The following MEP1A variants were observed in gnomAD, a reference collection of about 807,000 sequenced individuals.
MEP1A encodes the protein N-benzoyl-L-tyrosyl-P-amino-benzoic acid hydrolase subunit alpha.
In MEP1A, 68 loss-of-function variants were observed where a neutral mutation model predicts 84.5. The observed-to-expected ratio is 0.80, with a 90% CI of 0.66 to 0.98. MEP1A has a LOEUF of 0.98. Among genes scored for constraint, MEP1A ranks in the 50% least tolerant of loss-of-function variants. MEP1A has a pLI of 0.00. For synonymous variants in MEP1A, 337 were observed against 336.8 expected (o/e 1.00, Z -0.01); for missense variants, 887 against 919.9 (o/e 0.96, Z 0.46).
chr6:46,828,276 T>G (rs893341770), intron 9 of MEP1A, among the ~76,000 whole-genome samples: 3 of 151,402 alleles, frequency 2.0e-5, no homozygotes, highest in Admixed American at 2.0e-4. Context: ...AATATATAAT[T>G]ATAATTCAGA....
chr6:46,795,020 C>T (rs75393728), intron 3 of MEP1A, among the ~76,000 whole-genome samples: 1,776 of 152,270 alleles, frequency 0.012, 19 homozygotes, highest in Middle Eastern at 0.027. Flanking sequence ...AGCCATATGG[C>T]CAGATTCTAA....
At position 46,830,998 on chromosome 6, in the gene MEP1A, T is replaced by C. The variant is rs149748805; in HGVS notation, c.1144+1427T>C. ...TTTCATCTAAAGCTAAAAGCGTTAC[T>C]TCTAAGCATAAAATCAATCAAGCAA... On this transcript the variant is annotated intron_variant, in intron 10 of 13. Coordinates refer to ENST00000230588, the MANE Select transcript of MEP1A (RefSeq NM_005588.3). Among the ~76,000 whole-genome samples the C allele has an allele frequency of 8.2e-3, 1,254 of 152,322 alleles. 65 individuals carry two copies. Among genetic ancestry groups the C allele is most frequent in the Admixed American group, 0.078 (1,192 of 15,294 alleles).
chr6:46,832,316 G>A (rs1002221598), intron 10 of MEP1A, among the ~76,000 whole-genome samples: 13 of 152,174 alleles, frequency 8.5e-5, no homozygotes, highest in African/African-American at 3.1e-4. Flanking sequence ...GTACCCCCAA[G>A]CTCCTGTCTG....
intron 9 of MEP1A, among the ~76,000 whole-genome samples, chr6:46,827,201 C>T (rs1233317559): frequency 6.6e-6 from 1 of 152,176 alleles, no homozygotes. Flanking sequence ...TATAGCTTCA[C>T]CACTTACTAA....
chr6:46,798,548 A>G, intron 3 of MEP1A, 58 bp from the exon 4 acceptor site: 1 of 1,288,566 alleles, frequency 7.8e-7, no homozygotes, highest in Non-Finnish European at 1.1e-6. Context: ...ATTACGAAAG[A>G]TGCCTTTTAA....
In MEP1A at chr6:46,833,182, G is replaced by A. The variant is rs761106440; in HGVS notation, c.1253G>A (p.Gly418Glu). 6.2e-7 allele frequency: 1 copy of A among 1,608,506 alleles called. No homozygotes were observed. Among genetic ancestry groups the A allele is most frequent in the Non-Finnish European group, 8.5e-7 (1 of 1,177,536 alleles). ...GGCGACCCTCAGAACTCAACTGGGG[G>A]AATTTACCTAGATGACATCACTCTG... ...TKGDPQNSTGGIYLDDITLTE... is the reference protein window; with the variant it reads ...TKGDPQNSTGEIYLDDITLTE... Residue 418 changes from glycine (G) to glutamate (E), a missense_variant, in exon 11 of 14, where the codon GGA becomes GAA. Gly to Glu is a moderately conservative substitution (Grantham distance 98, BLOSUM62 -2). Transcript: ENST00000230588.
chr6:46,805,896 A>G (rs1478602385), intron 5 of MEP1A, among the ~76,000 whole-genome samples: 1 of 152,002 alleles, frequency 6.6e-6, no homozygotes, highest in East Asian at 1.9e-4. Context: ...CTAACTGCAC[A>G]TATCTTAGAC....
At chr6:46,796,555 G>C (rs1029806648) in intron 3 of MEP1A, among the ~76,000 whole-genome samples, 1 of 152,128 alleles carries the variant, frequency 6.6e-6, no homozygotes, top group Non-Finnish European at 1.5e-5. Context: ...CCAATCAAGA[G>C]AGTCATCTCC....
At chr6:46,838,056 T>TA (rs1459229948) in intron 13 of MEP1A, among the ~76,000 whole-genome samples, 2 of 146,440 alleles carry the variant, frequency 1.4e-5, no homozygotes, top group Admixed American at 6.6e-5. Context: ...CATGTCTGGC[T>TA]ATTTTTTTTT....
downstream of MEP1A, among the ~76,000 whole-genome samples, chr6:46,843,862 A>C (rs1468242296): frequency 6.6e-6 from 1 of 152,194 alleles, no homozygotes. Flanking sequence ...AATTCTGGAG[A>C]GGCTAAGTGC....
intron 9 of MEP1A, among the ~76,000 whole-genome samples, chr6:46,827,970 G>A (rs1205370038): frequency 6.6e-6 from 1 of 152,212 alleles, no homozygotes; most frequent in Non-Finnish European, 1.5e-5. Context: ...TTTCACAAGA[G>A]GTATTTAATG....
intron 5 of MEP1A, among the ~76,000 whole-genome samples, chr6:46,804,887 T>C (rs1019911582): frequency 6.6e-6 from 1 of 151,160 alleles, no homozygotes; most frequent in Admixed American, 6.6e-5. Context: ...TTTTTCTTCA[T>C]AGGTGAATTT....
intron 3 of MEP1A, among the ~76,000 whole-genome samples, chr6:46,796,333 A>T (rs1180016674): frequency 6.6e-6 from 1 of 150,630 alleles, no homozygotes; most frequent in African/African-American, 2.4e-5. Flanking sequence ...TACCTCCCCT[A>T]CTCTTCCTTC....
intron 6 of MEP1A, among the ~76,000 whole-genome samples, chr6:46,817,444 C>A (rs981929891): frequency 6.6e-6 from 1 of 152,160 alleles, no homozygotes; most frequent in Non-Finnish European, 1.5e-5. Flanking sequence ...AAGTATATCT[C>A]AGGCCTTGCA....
chr6:46,793,615 CT>C (rs1241029493), intron 2 of MEP1A, 39 bp downstream of exon 2: 14 of 1,575,476 alleles, frequency 8.9e-6, no homozygotes, highest in Non-Finnish European at 1.2e-5. Context: ...TGTTTTTGAA[CT>C]TTTTTCCTTC....
chr6:46,838,057 A>AT lies in MEP1A; in HGVS notation c.2085-907dup, dbSNP rs570182939. On this transcript the variant is annotated intron_variant, in intron 13 of 13. Coordinates refer to ENST00000230588, the MANE Select transcript of MEP1A (RefSeq NM_005588.3). ...CAGGTGCCCACCACCATGTCTGGCT[A>AT]TTTTTTTTTTTTTTTTGGTATTTTT... 9.0e-3 allele frequency among the ~76,000 whole-genome samples: 1,218 copies of AT among 134,950 alleles called. 6 individuals are homozygous for AT. The highest frequency in any genetic ancestry group is 0.018 in the East Asian group (81 of 4,548). The allele number at this position is 134,950 out of a possible 152,430, so 88.5% of individuals were successfully genotyped here.
chr6:46,807,549 AAAGAAAGAAAGAAAGAAAGGAAGGAAGG>A (rs1306703138), intron 5 of MEP1A, among the ~76,000 whole-genome samples: 1 of 59,270 alleles, frequency 1.7e-5, no homozygotes, highest in Non-Finnish European at 3.2e-5. Context: ...AGAAAGAAAG[AAAGAAAGAAAGAAAGAAAGGAAGGAAGG>A]AAGGAAGGAA....
At position 46,825,349 on chromosome 6, in the gene MEP1A, A is replaced by G. The variant is rs564075195; in HGVS notation, c.634A>G (p.Met212Val). ...LNTPYDYESL[M>V]HYQPFSFNKN... ...TACACCCTATGATTATGAGTCTTTG[A>G]TGCACTACCAGCCTTTCTCATTTAA... The change falls in exon 8 of 14, where the codon ATG becomes GTG. Residue 212 changes from methionine (M) to valine (V), a missense_variant. Physicochemically the swap from Met to Val is conservative, Grantham distance 21 (BLOSUM62 1). Transcript: ENST00000230588. 5 of 1,613,612 alleles carry G rather than the reference A, an allele frequency of 3.1e-6. No homozygotes were observed. The highest frequency in any genetic ancestry group is 4.2e-6 in the Non-Finnish European group (5 of 1,179,692).
intron 9 of MEP1A, among the ~76,000 whole-genome samples, chr6:46,828,195 T>C (rs1159631137): frequency 6.6e-6 from 1 of 151,630 alleles, no homozygotes; most frequent in Non-Finnish European, 1.5e-5. Flanking sequence ...CAAGAATTCC[T>C]GAGTAAGAAT....
Sources: gnomAD v4.1 joint callset for allele counts (sites outside exome capture counted in the v4.1 genomes callset) on GRCh38, gnomAD v4.1.1 for gene constraint, MANE v1.5 for transcripts, NCBI Gene and HGNC (gene_info 2026-07-23, HGNC 2026-07-21) for gene names.